Variants in SOBP observed in about 807,000 individuals in gnomAD.
SOBP encodes sine oculis binding protein homolog.
A neutral mutation model predicts 53.6 loss-of-function variants in SOBP; 4 were observed. The observed-to-expected ratio is 0.07, with a 90% CI of 0.04 to 0.17. The LOEUF (loss-of-function observed/expected upper bound fraction) is 0.17, where lower values mean the gene tolerates loss of function less well. Ranked by LOEUF, SOBP falls within the 10% of genes least tolerant of loss-of-function variation. The probability of loss-of-function intolerance (pLI) is 1.00; values close to 1 mark genes in which losing one functional copy is unlikely to be tolerated. For synonymous variants in SOBP, 584 were observed against 522.6 expected (o/e 1.12, Z -1.60); for missense variants, 1,088 against 1,204.7 (o/e 0.90, Z 1.43).
intron 5 of SOBP, among the ~76,000 whole-genome samples, chr6:107,606,070 CTTTTTTTTTTTTTTT>C (rs11298151): frequency 4.8e-5 from 3 of 62,858 alleles, no homozygotes; most frequent in Non-Finnish European, 6.2e-5. Context: ...AGATAGGCTC[CTTTTTTTTTTTTTTT>C]TTTTTTTTTG....
At chr6:107,583,507 C>G (rs1785468657) in intron 4 of SOBP, among the ~76,000 whole-genome samples, 1 of 152,158 alleles carries the variant, frequency 6.6e-6, no homozygotes, top group African/African-American at 2.4e-5. Flanking sequence ...CCACAAGCAA[C>G]TAGTTCTGTA....
At chr6:107,576,669 C>A (rs1583229807) in intron 4 of SOBP, among the ~76,000 whole-genome samples, 1 of 152,130 alleles carries the variant, frequency 6.6e-6, no homozygotes, top group Non-Finnish European at 1.5e-5. Context: ...TGCAGGGAAT[C>A]AGTGGCAAGA....
chr6:107,639,193 G>A (rs1191226025), intron 6 of SOBP, among the ~76,000 whole-genome samples: 1 of 152,154 alleles, frequency 6.6e-6, no homozygotes, highest in African/African-American at 2.4e-5. Flanking sequence ...GTGAGCCGCC[G>A]CTCCCAGTCT....
chr6:107,557,309 T>G (rs1333487102), intron 4 of SOBP, among the ~76,000 whole-genome samples: 1 of 152,226 alleles, frequency 6.6e-6, no homozygotes, highest in African/African-American at 2.4e-5. Context: ...TAGAAGTGAT[T>G]TGAAAAGCAA....
chr6:107,557,334 TATATC>T (rs1303141588), intron 4 of SOBP, among the ~76,000 whole-genome samples: 5 of 152,236 alleles, frequency 3.3e-5, no homozygotes, highest in Non-Finnish European at 7.3e-5. Context: ...ACATTTTAAA[TATATC>T]ATAAGGATAA....
Position 107,491,310 on chromosome 6 carries a change from C to T in SOBP, c.96+598C>T, listed in dbSNP as rs112106806. Among the ~76,000 whole-genome samples the T allele has an allele frequency of 8.1e-3, 1,235 of 152,334 alleles. 17 individuals are homozygous for T. The highest frequency in any genetic ancestry group is 0.024 in the African/African-American group (1,010 of 41,586). On this transcript the variant is annotated intron_variant, in intron 1 of 6. Transcript: ENST00000317357. The stretch of plus-strand genomic sequence containing the variant: ...CCGCCCGCACCTCACCACTGGCAGC[C>T]TCCGCCTCCCGCTCGCCTCTGCCTG...
chr6:107,598,794 A>G (rs9480785), intron 5 of SOBP, among the ~76,000 whole-genome samples: 1,659 of 152,304 alleles, frequency 0.011, 26 homozygotes, highest in African/African-American at 0.038. Context: ...TGACTGTCCA[A>G]AAATATTGGT....
chr6:107,535,639 T>TGTGTGTG lies in SOBP; in HGVS notation c.573+2029_573+2030insGTGTGTG, dbSNP rs1315066849. Among the ~76,000 whole-genome samples the TGTGTGTG allele has an allele frequency of 1.8e-4, 23 of 129,706 alleles. No individual in the cohort carries two copies. The East Asian group carries it at 2.0e-3, about 11-fold the overall frequency. 85.1% of individuals were successfully genotyped at this position (129,706 alleles called of 152,430 possible). On this transcript the variant is annotated intron_variant, in intron 4 of 6. Coordinates refer to ENST00000317357, the MANE Select transcript of SOBP (RefSeq NM_018013.4). The stretch of plus-strand genomic sequence containing the variant: ...TGTGTGTGTGTGTGTGTGTGTGTGT[T>TGTGTGTG]TTTTTTTTTTCCAAATAGAGAAATA...
At chr6:107,592,784 A>AT (rs1216620665) in intron 5 of SOBP, among the ~76,000 whole-genome samples, 7 of 151,962 alleles carry the variant, frequency 4.6e-5, no homozygotes, top group East Asian at 1.9e-4. Flanking sequence ...CTGTCTCACC[A>AT]TTTTTTTTCC....
chr6:107,491,648 C>A (rs1446690926), intron 1 of SOBP, among the ~76,000 whole-genome samples: 1 of 152,118 alleles, frequency 6.6e-6, no homozygotes, highest in Non-Finnish European at 1.5e-5. Context: ...GTGTTGATTT[C>A]ACGAGTCTCT....
At chr6:107,533,165 CT>C (rs755278856) in intron 3 of SOBP, among the ~76,000 whole-genome samples, 4,659 of 109,400 alleles carry the variant, frequency 0.043, 185 homozygotes, top group African/African-American at 0.13. Flanking sequence ...GCAGATGAAG[CT>C]TTTTTTTTTT....
At chr6:107,515,238 C>T (rs1205961213) in intron 3 of SOBP, among the ~76,000 whole-genome samples, 1 of 151,990 alleles carries the variant, frequency 6.6e-6, no homozygotes, top group Non-Finnish European at 1.5e-5. Flanking sequence ...AAAGAATATT[C>T]CAGACCTAGA....
intron 6 of SOBP, among the ~76,000 whole-genome samples, chr6:107,647,624 T>C (rs555879701): frequency 6.6e-6 from 1 of 152,178 alleles, no homozygotes; most frequent in East Asian, 1.9e-4. Flanking sequence ...GAAATTCTCA[T>C]AAAATCTCTG....
chr6:107,621,587 G>C (rs1770178419), intron 5 of SOBP, among the ~76,000 whole-genome samples: 1 of 152,092 alleles, frequency 6.6e-6, no homozygotes, highest in African/African-American at 2.4e-5. Flanking sequence ...AAGACGATAG[G>C]CAATCCAAAT....
chr6:107,639,741 G>A (rs1340613857), intron 6 of SOBP, among the ~76,000 whole-genome samples: 1 of 152,186 alleles, frequency 6.6e-6, no homozygotes, highest in African/African-American at 2.4e-5. Context: ...ACATTGGGGA[G>A]TTCAGAGTAA....
At chr6:107,521,474 G>A (rs568364549) in intron 3 of SOBP, among the ~76,000 whole-genome samples, 6 of 152,158 alleles carry the variant, frequency 3.9e-5, no homozygotes, top group East Asian at 1.9e-4. Context: ...AATTTTCTTA[G>A]AAACTATGGA....
intron 4 of SOBP, among the ~76,000 whole-genome samples, chr6:107,581,944 T>C (rs1222244518): frequency 6.6e-6 from 1 of 152,144 alleles, no homozygotes; most frequent in Admixed American, 6.5e-5. Context: ...TGCTGCAGCA[T>C]AGGAGGGCTA....
At chr6:107,650,024 T>C (rs112477416) in intron 6 of SOBP, among the ~76,000 whole-genome samples, 48 of 152,312 alleles carry the variant, frequency 3.2e-4, no homozygotes, top group African/African-American at 1.1e-3. Flanking sequence ...GACTTAAAGA[T>C]AGAGTTATCC....
chr6:107,587,282 T>A (rs1785596934), intron 5 of SOBP, 107 bp downstream of exon 5: 1 of 899,858 alleles, frequency 1.1e-6, no homozygotes. Context: ...ATATTATAGT[T>A]TTCTGTATAG....
Sources: allele counts gnomAD v4.1 joint callset (sites outside exome capture counted in the v4.1 genomes callset), GRCh38; gene constraint gnomAD v4.1.1; transcripts MANE v1.5; gene names NCBI Gene and HGNC (gene_info 2026-07-23, HGNC 2026-07-21).